The following R3HDM1 variants were observed in gnomAD, a reference collection of about 807,000 sequenced individuals.
R3HDM1 encodes the protein R3H domain containing 1.
R3HDM1 carries 46 observed loss-of-function variants against 141.1 expected under a neutral mutation model. The observed-to-expected ratio is 0.33, with a 90% confidence interval of 0.26 to 0.42. R3HDM1 has a LOEUF of 0.42. R3HDM1 is among the 10% of genes least tolerant of loss of function. The pLI is 1.00. For synonymous variants in R3HDM1, 435 were observed against 472.9 expected, an observed-to-expected ratio of 0.92 and a Z score of 1.04; for missense variants, 1,184 against 1,368.3, an observed-to-expected ratio of 0.87 and a Z score of 2.12.
intron 19 of R3HDM1, chr2:135,670,178 T>G: frequency 4.7e-5 from 14 of 296,912 alleles, no homozygotes; most frequent in East Asian, 1.7e-4. Flanking sequence ...AAGATTAGCT[T>G]GTGGTATCAT....
rs1301341082 is a variant in R3HDM1 at position 135,645,474 on chromosome 2, C to G, written c.1570C>G (p.Pro524Ala). ...VRSQVPGPPQPPLPAPPQQPA... is the reference protein window; with the variant it reads ...VRSQVPGPPQAPLPAPPQQPA... ...ATCCCAAGTGCCTGGACCTCCACAG[C>G]CACCTCTGCCAGCCCCACCTCAACA... The change falls in exon 16 of 27, where the codon CCA (proline) becomes GCA (alanine). Residue 524 changes from proline (P) to alanine (A), a missense_variant. Physicochemically the swap from Pro to Ala is conservative, Grantham distance 27. Coordinates refer to ENST00000683871, the MANE Select transcript of R3HDM1 (RefSeq NM_001378107.1). 4 of 1,614,068 alleles carry G rather than the reference C, an allele frequency of 2.5e-6. No individual in the cohort carries two copies. The highest frequency in any genetic ancestry group is 3.4e-6 in the Non-Finnish European group (4 of 1,179,942).
intron 21 of R3HDM1, among the ~76,000 whole-genome samples, chr2:135,697,868 A>G (rs1241917107): frequency 6.6e-6 from 1 of 152,024 alleles, no homozygotes; most frequent in African/African-American, 2.4e-5. Flanking sequence ...AGCCTGACCA[A>G]TATAGTGAAA....
intron 1 of R3HDM1, among the ~76,000 whole-genome samples, chr2:135,558,422 T>A (rs1328438237): frequency 2.0e-5 from 3 of 152,234 alleles, no homozygotes; most frequent in African/African-American, 7.2e-5. Flanking sequence ...ATTGGGGAGT[T>A]TTACAAACCT....
chr2:135,585,992 A>G (rs1208970758), intron 1 of R3HDM1, among the ~76,000 whole-genome samples: 3 of 152,232 alleles, frequency 2.0e-5, no homozygotes, highest in African/African-American at 7.2e-5. Flanking sequence ...AGTAATACTA[A>G]AAGTGTCAAA....
chr2:135,596,644 G>C (rs2059219288), intron 1 of R3HDM1, among the ~76,000 whole-genome samples: 1 of 152,088 alleles, frequency 6.6e-6, no homozygotes, highest in Non-Finnish European at 1.5e-5. Flanking sequence ...TTATGGTAGA[G>C]TTCATTCTGC....
intron 21 of R3HDM1, among the ~76,000 whole-genome samples, chr2:135,702,298 AG>A (rs202017727): frequency 0.12 from 18,378 of 149,838 alleles, 1,365 homozygotes; most frequent in South Asian, 0.32. Flanking sequence ...CAAGGTGGTT[AG>A]ATGACCTGAG....
At chr2:135,597,527 G>T (rs75715475) in intron 1 of R3HDM1, among the ~76,000 whole-genome samples, 1,805 of 152,292 alleles carry the variant, frequency 0.012, 32 homozygotes, top group African/African-American at 0.041. Context: ...CAATTTGGTT[G>T]TGCCAATTTA....
chr2:135,635,294 A>G (rs963452462), intron 9 of R3HDM1, among the ~76,000 whole-genome samples: 2 of 152,332 alleles, frequency 1.3e-5, no homozygotes, highest in South Asian at 2.1e-4. Flanking sequence ...ACGGCACTGC[A>G]CTTTCCTTGT....
intron 21 of R3HDM1, among the ~76,000 whole-genome samples, chr2:135,695,218 A>C (rs1173904478): frequency 5.9e-5 from 9 of 152,202 alleles, no homozygotes; most frequent in Non-Finnish European, 4.4e-5. Flanking sequence ...AACACCCAAC[A>C]AGGTTAAATT....
chr2:135,722,470 G>C lies in R3HDM1; in HGVS notation c.2966G>C (p.Gly989Ala). 6.2e-7 allele frequency: 1 copy of C among 1,613,644 alleles called. No homozygotes were observed. Among genetic ancestry groups the C allele is most frequent in the Non-Finnish European group, 8.5e-7 (1 of 1,179,950 alleles). ...VLHGHIPNQQGQPGSRHGNRG... is the reference protein window; with the variant it reads ...VLHGHIPNQQAQPGSRHGNRG... ...TCTCAACTATTTGTGGGTTTTCAGG[G>C]TCAGCCTGGCAGCAGGCATGGAAAC... Residue 989 changes from glycine to alanine, a missense_variant and splice_region_variant, in exon 26 of 27, where the codon GGT becomes GCT. This residue lies in a region of R3HDM1 where 182 missense variants were observed against 252.6 expected (regional missense o/e 0.72). Coordinates refer to ENST00000683871, the MANE Select transcript of R3HDM1 (RefSeq NM_001378107.1).
intron 21 of R3HDM1, among the ~76,000 whole-genome samples, chr2:135,691,425 G>A (rs1160583614): frequency 6.6e-6 from 1 of 152,062 alleles, no homozygotes; most frequent in East Asian, 1.9e-4. Context: ...ACCAGCCTGG[G>A]CAACATAGCA....
rs528089649 is a variant in R3HDM1, at chr2:135,569,738, T to G, written c.-249-32762T>G. Among the ~76,000 whole-genome samples, 85 of 149,814 alleles carry G rather than the reference T, an allele frequency of 5.7e-4. No homozygotes were observed. The Middle Eastern group carries it at 0.01, about 18-fold the overall frequency. On this transcript the variant is annotated intron_variant, in intron 1 of 26. Transcript: ENST00000683871. ...AAGCTCTTTTTTTTTTGTTGTTGTTTTTTTTGGAGAGGGAGTCTCGCTCTG... is the reference window on the plus strand; with the variant it reads ...AAGCTCTTTTTTTTTTGTTGTTGTTGTTTTTGGAGAGGGAGTCTCGCTCTG...
At chr2:135,669,698 T>G in intron 19 of R3HDM1, 2 of 505,920 alleles carry the variant, frequency 4.0e-6, no homozygotes, top group Non-Finnish European at 2.6e-6. Flanking sequence ...TGAACCTCTC[T>G]GTGCCTTTTG....
At chr2:135,558,218 C>T (rs917456916) in intron 1 of R3HDM1, among the ~76,000 whole-genome samples, 1 of 152,304 alleles carries the variant, frequency 6.6e-6, no homozygotes, top group East Asian at 1.9e-4. Flanking sequence ...CTGCACTGCT[C>T]AACATGGTGG....
intron 5 of R3HDM1, chr2:135,620,382 ATTAC>A: frequency 1.2e-6 from 1 of 841,392 alleles, no homozygotes; most frequent in Non-Finnish European, 1.4e-6. Flanking sequence ...AATAAGAAAA[ATTAC>A]TTACTGGTTG....
chr2:135,709,319 C>A (rs1280760234), intron 21 of R3HDM1, 114 bp from the exon 22 acceptor site: 13 of 1,406,568 alleles, frequency 9.2e-6, no homozygotes, highest in Non-Finnish European at 1.2e-5. Context: ...GTGATCCGCC[C>A]GCCTTGGCCT....
At chr2:135,606,437 T>C (rs1028030143) in intron 3 of R3HDM1, 2 of 152,060 alleles carry the variant, frequency 1.3e-5, no homozygotes, top group Non-Finnish European at 2.9e-5. Context: ...AGGAAAGAAT[T>C]TGTAGCCACC....
intron 24 of R3HDM1, among the ~76,000 whole-genome samples, chr2:135,719,127 G>A (rs1049359786): frequency 1.3e-5 from 2 of 151,970 alleles, no homozygotes; most frequent in African/African-American, 4.8e-5. Flanking sequence ...CAGCCTGGGC[G>A]ACAGAGCAAG....
intron 21 of R3HDM1, among the ~76,000 whole-genome samples, chr2:135,682,849 T>C (rs950053232): frequency 1.3e-5 from 2 of 151,824 alleles, no homozygotes; most frequent in African/African-American, 4.8e-5. Flanking sequence ...ATACAAAAAT[T>C]AGCCAGGCGT....
Sources: allele counts gnomAD v4.1 joint callset (sites outside exome capture counted in the v4.1 genomes callset), GRCh38; gene constraint gnomAD v4.1.1; regional missense constraint gnomAD v4.1.1; transcripts MANE v1.5; gene names NCBI Gene and HGNC (gene_info 2026-07-23, HGNC 2026-07-21).